The following CFAP47 variants were observed in gnomAD, a reference collection of about 807,000 sequenced individuals.
The protein encoded by CFAP47 is cilia and flagella associated protein 47, also known as cilia- and flagella-associated protein 47.
A neutral mutation model predicts 148.1 loss-of-function variants in CFAP47; 29 were observed. The ratio of observed to expected loss-of-function variants is 0.20; its 90% CI spans 0.15 to 0.27. The LOEUF (loss-of-function observed/expected upper bound fraction) is 0.27. Ranked by LOEUF, CFAP47 falls within the 10% of genes least tolerant of loss-of-function variation. The pLI, the probability that CFAP47 is intolerant of heterozygous loss-of-function variation, is 1.00. For synonymous variants in CFAP47, 664 were observed against 577.3 expected, an observed-to-expected ratio of 1.15 and a Z score of -2.15; for missense variants, 1,872 against 1,697.5, an observed-to-expected ratio of 1.10 and a Z score of -1.81.
At chrX:35,937,407 G>A (rs1935934433) in intron 2 of CFAP47, among the ~76,000 whole-genome samples, 1 of 109,471 alleles carries the variant, frequency 9.1e-6, no homozygotes, top group African/African-American at 3.3e-5. Context: ...TGTTGGTTGG[G>A]GGATTGTGAG....
intron 45 of CFAP47, among the ~76,000 whole-genome samples, chrX:36,216,223 C>T (rs1555990158): frequency 8.9e-6 from 1 of 112,337 alleles, no homozygotes; most frequent in Non-Finnish European, 1.9e-5. Flanking sequence ...AGAAGCAATA[C>T]CTCAGTTGTA....
chrX:36,382,635 G>C (rs7060171), intron 63 of CFAP47, among the ~76,000 whole-genome samples: 1,414 of 111,102 alleles, frequency 0.013, 16 homozygotes, highest in African/African-American at 0.043. Context: ...ATGGAAACTC[G>C]GGAAATAAAA....
At chrX:35,959,382 C>T in intron 8 of CFAP47, among the ~76,000 whole-genome samples, 1 of 111,782 alleles carries the variant, frequency 8.9e-6, no homozygotes, top group Middle Eastern at 4.6e-3. Flanking sequence ...ATACTTTTGA[C>T]TAAGTTCAAT....
chrX:36,306,208 G>A (rs150869405), intron 54 of CFAP47, among the ~76,000 whole-genome samples: 1 of 111,324 alleles, frequency 9.0e-6, no homozygotes, highest in African/African-American at 3.3e-5. Flanking sequence ...TTGTGTTGGA[G>A]TCACTGGCTT....
chrX:36,120,569 T>C (rs996278386), intron 33 of CFAP47, among the ~76,000 whole-genome samples: 3 of 111,695 alleles, frequency 2.7e-5, no homozygotes, highest in Non-Finnish European at 5.6e-5. Context: ...GTTTCCATTA[T>C]AATTTATTTC....
chrX:36,344,384 T>G (rs1410126777), intron 57 of CFAP47, among the ~76,000 whole-genome samples: 1 of 111,051 alleles, frequency 9.0e-6, no homozygotes, highest in African/African-American at 3.3e-5. Context: ...ATGTTAATTT[T>G]CAGTGATTTC....
At position 36,085,550 on chromosome X, in the gene CFAP47, G is replaced by T; in HGVS notation, c.4916+12G>T. 9.4e-7 allele frequency: 1 copy of T among 1,060,825 alleles called. No individual in the cohort carries two copies. The allele number at this position is 1,060,825 out of a possible 1,213,427, so 87.4% of individuals were successfully genotyped here. ...CTGGACTTTCTCAAGTAAGTGCCTG[G>T]ATGTGCTCATATAAGCATATAACTC... On this transcript the variant is annotated intron_variant, in intron 30 of 63. Coordinates refer to ENST00000378653, the MANE Select transcript of CFAP47 (RefSeq NM_001304548.2).
At chrX:35,924,459 A>G (rs1329538379) in intron 1 of CFAP47, among the ~76,000 whole-genome samples, 1 of 106,481 alleles carries the variant, frequency 9.4e-6, no homozygotes, top group South Asian at 4.1e-4. Flanking sequence ...ATGTGTATAT[A>G]GGTGCACCTA....
intron 21 of CFAP47, among the ~76,000 whole-genome samples, chrX:36,012,901 C>T (rs954462736): frequency 9.0e-6 from 1 of 111,186 alleles, no homozygotes; most frequent in African/African-American, 3.3e-5. Context: ...AGTCTGCTAG[C>T]CTCAAGACAA....
chrX:35,982,920 A>G (rs1468521846), intron 15 of CFAP47, among the ~76,000 whole-genome samples: 4 of 111,766 alleles, frequency 3.6e-5, no homozygotes, highest in Non-Finnish European at 5.6e-5. Context: ...CTTTTTGGTT[A>G]GGATTGTCTT....
chrX:35,961,037 C>T (rs187850694), intron 8 of CFAP47, among the ~76,000 whole-genome samples: 1 of 111,260 alleles, frequency 9.0e-6, no homozygotes, highest in African/African-American at 3.3e-5. Flanking sequence ...CCCTTCTATT[C>T]CTAGTTTGTT....
At chrX:36,076,103 A>G (rs1937848179) in intron 29 of CFAP47, among the ~76,000 whole-genome samples, 1 of 111,514 alleles carries the variant, frequency 9.0e-6, no homozygotes, top group Non-Finnish European at 1.9e-5. Flanking sequence ...AGAAATCTCC[A>G]AACTGCTTTC....
At chrX:35,984,888 T>C (rs1018851288) in intron 15 of CFAP47, among the ~76,000 whole-genome samples, 1 of 111,647 alleles carries the variant, frequency 9.0e-6, no homozygotes, top group Admixed American at 9.6e-5. Flanking sequence ...GTATATGCCA[T>C]GTGCAGATGA....
chrX:36,034,431 C>G (rs1341258008), intron 23 of CFAP47, among the ~76,000 whole-genome samples: 1 of 110,953 alleles, frequency 9.0e-6, no homozygotes, highest in East Asian at 2.8e-4. Context: ...AGTGTGTGAT[C>G]AATTTTAGCC....
intron 23 of CFAP47, among the ~76,000 whole-genome samples, chrX:36,031,700 TAAAAG>T (rs1937281077): frequency 9.3e-6 from 1 of 107,994 alleles, no homozygotes; most frequent in Non-Finnish European, 1.9e-5. Context: ...ATTCCATAGA[TAAAAG>T]AAAATATGCT....
chrX:36,212,920 C>T (rs1940118824), intron 45 of CFAP47, among the ~76,000 whole-genome samples: 1 of 110,539 alleles, frequency 9.0e-6, no homozygotes, highest in Non-Finnish European at 1.9e-5. Flanking sequence ...CGAGACCAGC[C>T]TGGCCAACAT....
At chrX:36,044,159 C>T (rs1295032395) in intron 25 of CFAP47, among the ~76,000 whole-genome samples, 3 of 113,347 alleles carry the variant, frequency 2.6e-5, no homozygotes, top group Admixed American at 9.2e-5. Flanking sequence ...GCTCTGGGCA[C>T]AGCCCAAAAA....
At chrX:36,370,911 G>A (rs1217189160) in intron 62 of CFAP47, among the ~76,000 whole-genome samples, 1 of 111,216 alleles carries the variant, frequency 9.0e-6, no homozygotes, top group East Asian at 2.8e-4. Context: ...GGCATACAAG[G>A]AGAGGAAAGA....
chrX:36,080,964 AAAG>A (rs1377563310), intron 29 of CFAP47, among the ~76,000 whole-genome samples: 2 of 112,020 alleles, frequency 1.8e-5, no homozygotes, highest in Non-Finnish European at 3.8e-5. Context: ...AACTAACTCA[AAAG>A]CTAGCAGAAG....
Sources: gnomAD v4.1 joint callset for allele counts (sites outside exome capture counted in the v4.1 genomes callset) on GRCh38, gnomAD v4.1.1 for gene constraint, MANE v1.5 for transcripts, NCBI Gene and HGNC (gene_info 2026-07-23, HGNC 2026-07-21) for gene names.